JAZF1: variants seen among roughly 807,000 people sequenced by gnomAD.
The protein encoded by JAZF1 is juxtaposed with another zinc finger protein 1.
JAZF1 carries 8 observed loss-of-function variants against 26.4 expected under a neutral mutation model. The observed-to-expected ratio is 0.30, with a 90% confidence interval of 0.18 to 0.55. The LOEUF is 0.55. Among genes scored for constraint, JAZF1 ranks in the 20% least tolerant of loss-of-function variants. The probability of loss-of-function intolerance (pLI) is 0.94; values close to 1 mark genes in which losing one functional copy is unlikely to be tolerated. For synonymous variants in JAZF1, 126 were observed against 122.3 expected (o/e 1.03, Z -0.20); for missense variants, 199 against 322.0 (o/e 0.62, Z 2.92).
chr7:27,992,344 A>G (rs1039601395), intron 1 of JAZF1: 3 of 376,052 alleles, frequency 8.0e-6, no homozygotes, highest in African/African-American at 2.2e-5. Context: ...GCTCACTTCA[A>G]TGCTGGAACA....
At chr7:27,969,001 T>C (rs957523426) in intron 2 of JAZF1, among the ~76,000 whole-genome samples, 2 of 152,148 alleles carry the variant, frequency 1.3e-5, no homozygotes, top group African/African-American at 4.8e-5. Context: ...TGGCCCCCAA[T>C]GTCTAAGAGT....
At chr7:28,157,993 G>A (rs1485291841) in intron 1 of JAZF1, among the ~76,000 whole-genome samples, 1 of 151,768 alleles carries the variant, frequency 6.6e-6, no homozygotes, top group East Asian at 1.9e-4. Context: ...CCTGCAGCAG[G>A]GATTGCCCAA....
At chr7:27,925,323 C>A (rs1242254566) in intron 2 of JAZF1, among the ~76,000 whole-genome samples, 1 of 152,166 alleles carries the variant, frequency 6.6e-6, no homozygotes, top group Non-Finnish European at 1.5e-5. Flanking sequence ...GAAGGCCATG[C>A]CAAAAAAGCA....
Position 27,992,186 on chromosome 7 carries a change from A to G in JAZF1, c.116-205T>C, listed in dbSNP as rs756620678. 1.4e-5 allele frequency: 9 copies of G among 635,666 alleles called. No homozygotes were observed. The African/African-American group carries it at 1.4e-4, about 10-fold the overall frequency. 39.4% of individuals were successfully genotyped at this position (635,666 alleles called of 1,614,324 possible). A position where few individuals can be genotyped will look rare whatever the true frequency, so the allele number is the denominator to read the frequency against. On this transcript the variant is annotated intron_variant, in intron 1 of 4. Transcript: ENST00000283928. ...TTGCATTACTTTTCAAGGGAATTCC[A>G]AACATCAACAGTGATAAAATGTCCA...
chr7:27,844,388 A>C (rs1782980885), intron 3 of JAZF1: 1 of 152,138 alleles, frequency 6.6e-6, no homozygotes, highest in South Asian at 2.1e-4. Flanking sequence ...TTCAGCTGCT[A>C]TCTCTCAACA....
At chr7:27,867,852 T>C (rs1370163968) in intron 3 of JAZF1, among the ~76,000 whole-genome samples, 1 of 152,208 alleles carries the variant, frequency 6.6e-6, no homozygotes, top group South Asian at 2.1e-4. Flanking sequence ...CTCTTAGACA[T>C]GGGCATTGTG....
intron 1 of JAZF1, among the ~76,000 whole-genome samples, chr7:28,117,829 T>C (rs1234196285): frequency 6.6e-6 from 1 of 152,218 alleles, no homozygotes; most frequent in Non-Finnish European, 1.5e-5. Flanking sequence ...TGAAGAGATA[T>C]ACAGACACAA....
At chr7:27,897,219 G>A (rs758465103) in intron 2 of JAZF1, among the ~76,000 whole-genome samples, 1 of 152,176 alleles carries the variant, frequency 6.6e-6, no homozygotes, top group Non-Finnish European at 1.5e-5. Context: ...GATTGTTCTC[G>A]AGGGTTAAGT....
chr7:27,930,268 T>A (rs1372146866), intron 2 of JAZF1, among the ~76,000 whole-genome samples: 1 of 152,216 alleles, frequency 6.6e-6, no homozygotes, highest in Non-Finnish European at 1.5e-5. Context: ...GTACTGGGAT[T>A]ACAGGCATGA....
chr7:28,131,339 T>C (rs1291672546), intron 1 of JAZF1, among the ~76,000 whole-genome samples: 1 of 151,936 alleles, frequency 6.6e-6, no homozygotes, highest in Non-Finnish European at 1.5e-5. Context: ...TAAATGAGTA[T>C]ACCTGACTGT....
At chr7:28,165,369 CAGTT>C (rs1485695156) in intron 1 of JAZF1, among the ~76,000 whole-genome samples, 1 of 152,058 alleles carries the variant, frequency 6.6e-6, no homozygotes, top group East Asian at 1.9e-4. Flanking sequence ...ACTAGAGTGC[CAGTT>C]AGGGCTTCTC....
At chr7:27,931,492 A>C (rs1020048626) in intron 2 of JAZF1, among the ~76,000 whole-genome samples, 5 of 152,212 alleles carry the variant, frequency 3.3e-5, no homozygotes, top group African/African-American at 4.8e-5. Context: ...TTGGCACAGC[A>C]ATGTGTGTGT....
chr7:28,120,188 T>A (rs114820062), intron 1 of JAZF1, among the ~76,000 whole-genome samples: 2,947 of 144,338 alleles, frequency 0.02, 98 homozygotes, highest in African/African-American at 0.071. Flanking sequence ...TTTTTTTTTT[T>A]ATTAAGCTTT....
At chr7:27,944,190 C>G (rs930349785) in intron 2 of JAZF1, among the ~76,000 whole-genome samples, 16 of 152,098 alleles carry the variant, frequency 1.1e-4, no homozygotes, top group South Asian at 4.1e-4. Flanking sequence ...CTTGCCGAAC[C>G]CTTTAGCAAC....
intron 2 of JAZF1, among the ~76,000 whole-genome samples, chr7:27,983,463 T>C (rs1785628690): frequency 6.6e-6 from 1 of 152,126 alleles, no homozygotes; most frequent in Non-Finnish European, 1.5e-5. Flanking sequence ...AAAGACCAAA[T>C]CTACGTCTGA....
In JAZF1 at chr7:27,982,157, C is replaced by T. The variant is rs146467284; in HGVS notation, c.188+9752G>A. On this transcript the variant is annotated intron_variant, in intron 2 of 4. Coordinates refer to ENST00000283928, the MANE Select transcript of JAZF1 (RefSeq NM_175061.4). ...CCCATGGAGCAGGGCGGGGCATCACCGCACCCAGGAAGTGCAAGAGGTAGG... is the reference window on the plus strand; with the variant it reads ...CCCATGGAGCAGGGCGGGGCATCACTGCACCCAGGAAGTGCAAGAGGTAGG... Among the ~76,000 whole-genome samples the T allele has an allele frequency of 6.4e-3, 968 of 152,310 alleles. 9 individuals are homozygous for T. The highest frequency in any genetic ancestry group is 0.019 in the African/African-American group (784 of 41,568).
intron 2 of JAZF1, among the ~76,000 whole-genome samples, chr7:27,935,687 G>A (rs1249324935): frequency 6.6e-6 from 1 of 152,144 alleles, no homozygotes; most frequent in Non-Finnish European, 1.5e-5. Context: ...TGAAATGTAT[G>A]GTATGTGAAT....
chr7:28,044,252 C>T (rs1045710310), intron 1 of JAZF1, among the ~76,000 whole-genome samples: 1 of 152,170 alleles, frequency 6.6e-6, no homozygotes, highest in Non-Finnish European at 1.5e-5. Flanking sequence ...ATCTGTCCTT[C>T]CTTCCTTCCT....
At chr7:27,925,521 A>C (rs1028983039) in intron 2 of JAZF1, among the ~76,000 whole-genome samples, 2 of 152,136 alleles carry the variant, frequency 1.3e-5, no homozygotes, top group Non-Finnish European at 2.9e-5. Context: ...TCTTGGGCTC[A>C]AGTGATTCTC....
Sources: gnomAD v4.1 joint callset for allele counts (sites outside exome capture counted in the v4.1 genomes callset) on GRCh38, gnomAD v4.1.1 for gene constraint, MANE v1.5 for transcripts, NCBI Gene and HGNC (gene_info 2026-07-23, HGNC 2026-07-21) for gene names.